EP300: variants seen among roughly 807,000 people sequenced by gnomAD.
The protein encoded by EP300 is histone acetyltransferase p300.
A neutral mutation model predicts 264.0 loss-of-function variants in EP300; 31 were observed. The observed-to-expected ratio is 0.12, with a 90% confidence interval of 0.09 to 0.16. The LOEUF (loss-of-function observed/expected upper bound fraction) is 0.16. Among genes scored for constraint, EP300 ranks in the 10% least tolerant of loss-of-function variants. The pLI, the probability that EP300 is intolerant of heterozygous loss-of-function variation, is 1.00. For missense variants in EP300, 2,766 were observed against 3,052.9 expected (o/e 0.91, Z 2.21); for synonymous variants, 1,340 against 1,045.4 (o/e 1.28, Z -5.44).
chr22:41,171,387 G>A (rs116032883), intron 27 of EP300, among the ~76,000 whole-genome samples: 2,372 of 152,170 alleles, frequency 0.016, 57 homozygotes, highest in African/African-American at 0.055. Flanking sequence ...CCCAGGCTAG[G>A]GTGCAGTGGC....
In EP300 at chr22:41,141,158, C is replaced by T. The variant is rs1291428868; in HGVS notation, c.1989C>T (p.Gly663=). 1 of 1,614,184 alleles carries T rather than the reference C, an allele frequency of 6.2e-7. No individual in the cohort carries two copies. Among genetic ancestry groups the T allele is most frequent in the Non-Finnish European group, 8.5e-7 (1 of 1,180,026 alleles). Residue 663 remains glycine (G), a synonymous_variant, in exon 10 of 31, where the codon GGC becomes GGT. Transcript: ENST00000263253. ...AGAACATGCTACCAAATGCTGCAGG[C>T]ATGGTTCCAGTTTCCATGAATCCAG... ...QKQNMLPNAA[G]MVPVSMNPGP...
Position 41,170,578 on chromosome 22 carries a change from T to G in EP300, c.4452+7T>G. On this transcript the variant is annotated splice_region_variant and intron_variant, in intron 27 of 30. Transcript: ENST00000263253. The stretch of plus-strand genomic sequence containing the variant: ...TATTGTCCATGACTACAAGGTCAGT[T>G]GGGACATAGGGGCCAGGTGCTGACA... 1 of 1,613,232 alleles carries G rather than the reference T, an allele frequency of 6.2e-7. No homozygotes were observed. Among genetic ancestry groups the G allele is most frequent in the South Asian group, 1.1e-5 (1 of 91,068 alleles).
Position 41,135,826 on chromosome 22 carries a change from G to C in EP300, c.1542G>C (p.Met514Ile). 1 of 1,613,270 alleles carries C rather than the reference G, an allele frequency of 6.2e-7. No individual in the cohort carries two copies. The highest frequency in any genetic ancestry group is 8.5e-7 in the Non-Finnish European group (1 of 1,179,312). Residue 514 changes from methionine (M) to isoleucine (I), a missense_variant, in exon 7 of 31, where the codon ATG (methionine) becomes ATC (isoleucine). By Grantham distance (10) the Met-to-Ile change is conservative (BLOSUM62 1). Transcript: ENST00000263253. ...RPMSNMSASPMGVNGGVGVQT... is the reference protein window; with the variant it reads ...RPMSNMSASPIGVNGGVGVQT... ...ATTTTGACTTAGGTGCTAGTCCTAT[G>C]GGAGTAAATGGAGGTGTAGGAGTTC...
At chr22:41,105,963 G>A (rs1601591293) in intron 1 of EP300, among the ~76,000 whole-genome samples, 1 of 152,102 alleles carries the variant, frequency 6.6e-6, no homozygotes, top group South Asian at 2.1e-4. Context: ...GATCTTGCCT[G>A]TCTTTCCAGC....
intron 26 of EP300, among the ~76,000 whole-genome samples, chr22:41,170,045 T>C (rs906710319): frequency 6.6e-6 from 1 of 152,248 alleles, no homozygotes; most frequent in Admixed American, 6.5e-5. Flanking sequence ...ACAGTGTGCC[T>C]TTTAATTTAG....
chr22:41,135,610 G>A (rs1345287897), intron 6 of EP300, among the ~76,000 whole-genome samples: 1 of 151,408 alleles, frequency 6.6e-6, no homozygotes, highest in Non-Finnish European at 1.5e-5. Context: ...TTTACTGTTG[G>A]GTGCTTCATC....
At chr22:41,161,710 A>G (rs963138941) in intron 20 of EP300, among the ~76,000 whole-genome samples, 5 of 152,232 alleles carry the variant, frequency 3.3e-5, no homozygotes, top group Admixed American at 3.3e-4. Context: ...AAAACTGTTC[A>G]GTGTAATTTT....
intron 1 of EP300, among the ~76,000 whole-genome samples, chr22:41,094,585 C>G (rs1296288359): frequency 1.3e-5 from 2 of 152,056 alleles, no homozygotes; most frequent in Non-Finnish European, 2.9e-5. Flanking sequence ...TGGTTTTTTC[C>G]TTCAGAATTC....
chr22:41,158,210 A>C (rs1601625353), intron 18 of EP300, among the ~76,000 whole-genome samples: 1 of 152,236 alleles, frequency 6.6e-6, no homozygotes, highest in Non-Finnish European at 1.5e-5. Flanking sequence ...TGATGGAAGG[A>C]TATGACTGCT....
intron 10 of EP300, among the ~76,000 whole-genome samples, chr22:41,143,606 C>G (rs1408904081): frequency 1.3e-5 from 2 of 151,192 alleles, no homozygotes; most frequent in Non-Finnish European, 2.9e-5. Context: ...GAAACAGTCT[C>G]TCTTTGTCAC....
chr22:41,175,423 CATATGT>C (rs1486065441), intron 29 of EP300, among the ~76,000 whole-genome samples: 1 of 152,148 alleles, frequency 6.6e-6, no homozygotes, highest in Non-Finnish European at 1.5e-5. Context: ...ATGTCAAATA[CATATGT>C]AATACCAGCT....
At position 41,096,898 on chromosome 22, in the gene EP300, C is replaced by T. The variant is rs377751731; in HGVS notation, c.94+3800C>T. On this transcript the variant is annotated intron_variant, in intron 1 of 30. Coordinates refer to ENST00000263253, the MANE Select transcript of EP300 (RefSeq NM_001429.4). ...CCTCCCAAAGTGCTGGGAATACAGG[C>T]GTGAGCCACCATGCCCGGCTGTCAG... 1.1e-3 allele frequency among the ~76,000 whole-genome samples: 171 copies of T among 152,238 alleles called. No individual in the cohort carries two copies. The Middle Eastern group carries it at 0.017, about 15-fold the overall frequency.
At chr22:41,101,324 GC>G (rs1197179723) in intron 1 of EP300, among the ~76,000 whole-genome samples, 8 of 151,944 alleles carry the variant, frequency 5.3e-5, no homozygotes, top group African/African-American at 1.7e-4. Context: ...GCCCACCTCG[GC>G]CTCCCAAAGT....
In EP300 at chr22:41,107,874, A is replaced by T. The variant is rs1042192736; in HGVS notation, c.95-9313A>T. Among the ~76,000 whole-genome samples the T allele has an allele frequency of 2.8e-5, 4 of 144,534 alleles. No homozygotes were observed. The East Asian group carries it at 6.1e-4, about 22-fold the overall frequency. 94.8% of individuals were successfully genotyped at this position (144,534 alleles called of 152,430 possible). Reference sequence around the variant, plus strand: ...TGCCACCACACCCAGCTAATTTTGTATTTTTTTTTTGTAGAGACAGAGTTT... The same window carrying T: ...TGCCACCACACCCAGCTAATTTTGTTTTTTTTTTTTGTAGAGACAGAGTTT... On this transcript the variant is annotated intron_variant, in intron 1 of 30. Coordinates refer to ENST00000263253, the MANE Select transcript of EP300 (RefSeq NM_001429.4).
chr22:41,107,067 C>T (rs187805736), intron 1 of EP300, among the ~76,000 whole-genome samples: 4 of 152,066 alleles, frequency 2.6e-5, no homozygotes, highest in South Asian at 2.1e-4. Flanking sequence ...CCATCACCCC[C>T]GGCTCATTTT....
chr22:41,116,349 A>G (rs1355827777), intron 1 of EP300, among the ~76,000 whole-genome samples: 1 of 152,100 alleles, frequency 6.6e-6, no homozygotes, highest in Non-Finnish European at 1.5e-5. Context: ...TATTTGTCCT[A>G]ATGCTATCCT....
chr22:41,106,088 T>C (rs971867558), intron 1 of EP300, among the ~76,000 whole-genome samples: 7 of 152,184 alleles, frequency 4.6e-5, no homozygotes, highest in African/African-American at 1.7e-4. Flanking sequence ...TAATTCTTCA[T>C]TTACAGAGGG....
In EP300 at chr22:41,179,877, CACTCACACACACACACA is replaced by C. The variant is rs1569124033; in HGVS notation, c.*922_*938del. The C allele has an allele frequency of 1.0e-4, 15 of 145,744 alleles. No homozygotes were observed. Among genetic ancestry groups the C allele is most frequent in the Non-Finnish European group, 1.7e-4 (13 of 78,700 alleles). 9.0% of individuals were successfully genotyped at this position (145,744 alleles called of 1,614,324 possible). On this transcript the variant is annotated 3_prime_UTR_variant, in exon 31 of 31. Coordinates refer to ENST00000263253, the MANE Select transcript of EP300 (RefSeq NM_001429.4). The stretch of plus-strand genomic sequence containing the variant: ...CTTTCTTCCTCCTTACCCTACCCCC[CACTCACACACACACACA>C]CACACACACACACACACACACACAC...
chr22:41,101,176 G>A (rs574536052), intron 1 of EP300, among the ~76,000 whole-genome samples: 9 of 152,216 alleles, frequency 5.9e-5, no homozygotes, highest in South Asian at 2.1e-4. Flanking sequence ...CTGGGTTCAA[G>A]CTATTCTCCT....
Sources: allele counts gnomAD v4.1 joint callset (sites outside exome capture counted in the v4.1 genomes callset), GRCh38; gene constraint gnomAD v4.1.1; transcripts MANE v1.5; gene names NCBI Gene and HGNC (gene_info 2026-07-23, HGNC 2026-07-21).